ZNF500: variants seen among roughly 807,000 people sequenced by gnomAD.
ZNF500 encodes zinc finger protein with KRAB and SCAN domains 18.
In ZNF500, 31 loss-of-function variants were observed where a neutral mutation model predicts 30.1. The observed-to-expected ratio is 1.03, with a 90% confidence interval of 0.77 to 1.39. The LOEUF (loss-of-function observed/expected upper bound fraction) is 1.39, where lower values mean the gene tolerates loss of function less well. ZNF500 is among the 40% of genes most tolerant of loss of function. The probability of loss-of-function intolerance (pLI) is 0.00; values close to 1 mark genes in which losing one functional copy is unlikely to be tolerated. For missense variants in ZNF500, 817 were observed against 657.8 expected, an observed-to-expected ratio of 1.24 and a Z score of -2.65; for synonymous variants, 392 against 282.0, an observed-to-expected ratio of 1.39 and a Z score of -3.91.
At chr16:4,759,775 AC>A (rs1174727934) in intron 5 of ZNF500, among the ~76,000 whole-genome samples, 1 of 152,022 alleles carries the variant, frequency 6.6e-6, no homozygotes, top group Admixed American at 6.5e-5. Context: ...GGTGGCTCAC[AC>A]CTGTCATCCC....
In ZNF500 at chr16:4,748,452, C is replaced by T. The variant is rs1231760985; in HGVS notation, c.*3924G>A. On this transcript the variant is annotated 3_prime_UTR_variant, in exon 6 of 6. Transcript: ENST00000219478. Reference sequence around the variant, plus strand: ...CACATAGATTCTCAAGGCCTTTGACCTTTATGAATCTAGACAGAATACTGG... The same window carrying T: ...CACATAGATTCTCAAGGCCTTTGACTTTTATGAATCTAGACAGAATACTGG... The T allele has an allele frequency of 1.3e-5, 2 of 152,260 alleles. No homozygotes were observed. Among genetic ancestry groups the T allele is most frequent in the Admixed American group, 6.5e-5 (1 of 15,290 alleles). The allele number at this position is 152,260 out of a possible 1,614,324, so 9.4% of individuals were successfully genotyped here.
Position 4,765,876 on chromosome 16 carries a change from C to T in ZNF500, c.103G>A (p.Glu35Lys). ...TCCTCCGTCTCCACGGAGGGCTCCTCTTCCAAGCAGAAGTCCTCCTCCACC... is the reference window on the plus strand; with the variant it reads ...TCCTCCGTCTCCACGGAGGGCTCCTTTTCCAAGCAGAAGTCCTCCTCCACC... ...VKVEEDFCLE[E>K]EPSVETEDPS... Residue 35 changes from glutamate to lysine, a missense_variant, in exon 2 of 6, where the codon GAG becomes AAG. By Grantham distance (56) the Glu-to-Lys change is moderately conservative. Coordinates refer to ENST00000219478, the MANE Select transcript of ZNF500 (RefSeq NM_021646.4). The T allele has an allele frequency of 6.2e-7, 1 of 1,613,738 alleles. No homozygotes were observed. The highest frequency in any genetic ancestry group is 8.5e-7 in the Non-Finnish European group (1 of 1,180,002).
intron 2 of ZNF500, chr16:4,763,609 C>A (rs2082231573): frequency 1.0e-6 from 1 of 985,388 alleles, no homozygotes; most frequent in Non-Finnish European, 1.2e-6. Flanking sequence ...ACATTCCACA[C>A]CTCTAAGGGA....
At chr16:4,746,268 G>A, downstream of ZNF500, 6 of 1,204,070 alleles carry the variant, frequency 5.0e-6, no homozygotes, top group South Asian at 1.4e-5. Flanking sequence ...TAGAGAGTGG[G>A]CACTCACTGG....
chr16:4,763,828 C>G, intron 2 of ZNF500: 3 of 985,432 alleles, frequency 3.0e-6, no homozygotes, highest in Non-Finnish European at 3.6e-6. Flanking sequence ...TGACTGCGGT[C>G]AGCTCACGCC....
intron 1 of ZNF500, among the ~76,000 whole-genome samples, chr16:4,766,297 T>C (rs1430264828): frequency 6.6e-6 from 1 of 152,028 alleles, no homozygotes; most frequent in Non-Finnish European, 1.5e-5. Flanking sequence ...ACAGAGATGA[T>C]AACAGGACCT....
intron 5 of ZNF500, among the ~76,000 whole-genome samples, chr16:4,754,663 CAAAAAAATAAA>C (rs1048038886): frequency 1.6e-5 from 2 of 125,216 alleles, no homozygotes; most frequent in Admixed American, 8.3e-5. Flanking sequence ...GACTCTGTCT[CAAAAAAATAAA>C]AAAAAAAAAA....
rs138515507 is a variant in ZNF500 at position 4,754,080 on chromosome 16, G to C, written c.761-1022C>G. Among the ~76,000 whole-genome samples the C allele has an allele frequency of 2.0e-4, 31 of 152,368 alleles. No individual in the cohort carries two copies. The East Asian group carries it at 6.0e-3, about 29-fold the overall frequency. On this transcript the variant is annotated intron_variant, in intron 5 of 5. Coordinates refer to ENST00000219478, the MANE Select transcript of ZNF500 (RefSeq NM_021646.4). Reference sequence around the variant, plus strand: ...GCAGCATGAGGGTGACTGCAGCTGGGGACCTGGTAGCACAAAGTGCACTGG... The same window carrying C: ...GCAGCATGAGGGTGACTGCAGCTGGCGACCTGGTAGCACAAAGTGCACTGG...
chr16:4,760,928 T>C (rs957483733), intron 4 of ZNF500, among the ~76,000 whole-genome samples: 27 of 152,102 alleles, frequency 1.8e-4, no homozygotes, highest in South Asian at 1.2e-3. Flanking sequence ...CAGGACCCCA[T>C]TGCGGCAGAC....
chr16:4,753,198 C>A, intron 5 of ZNF500, 140 bp from the exon 6 acceptor site: 1 of 1,396,142 alleles, frequency 7.2e-7, no homozygotes, highest in Non-Finnish European at 9.3e-7. Context: ...CTGTGGCTCA[C>A]GCCTATAATC....
chr16:4,746,407 G>A, downstream of ZNF500: 1 of 1,613,310 alleles, frequency 6.2e-7, no homozygotes, highest in Non-Finnish European at 8.5e-7. Context: ...TCCCAGGCTG[G>A]GCCAGGCCCG....
Position 4,750,334 on chromosome 16 carries a change from GT to G in ZNF500, c.*2041del, listed in dbSNP as rs905534090. 1 of 152,148 alleles carries G rather than the reference GT, an allele frequency of 6.6e-6. No individual in the cohort carries two copies. Among genetic ancestry groups the G allele is most frequent in the Non-Finnish European group, 1.5e-5 (1 of 68,070 alleles). 9.4% of individuals were successfully genotyped at this position (152,148 alleles called of 1,614,324 possible). ...GAAGCAATGACTTAAAAAAAAAATT[GT>G]TTATTTTATCTGAGACAGGATCTCA... is the stretch of plus-strand genomic sequence containing the variant. On this transcript the variant is annotated 3_prime_UTR_variant, in exon 6 of 6. Transcript: ENST00000219478.
At chr16:4,755,263 G>A (rs2082124438) in intron 5 of ZNF500, among the ~76,000 whole-genome samples, 1 of 152,172 alleles carries the variant, frequency 6.6e-6, no homozygotes. Context: ...CCAAAGTGCT[G>A]AGATATAGGC....
Position 4,753,047 on chromosome 16 carries a change from G to A in ZNF500, c.772C>T (p.Gln258Ter), listed in dbSNP as rs202132970. Residue 258 changes from glutamine to a stop codon, truncating the protein, a stop_gained, in exon 6 of 6, where the codon CAG becomes TAG. Coordinates refer to ENST00000219478, the MANE Select transcript of ZNF500 (RefSeq NM_021646.4). LOFTEE classifies it low-confidence loss of function (END_TRUNC). ...CTGCCATCACCGCCGTCCTCCAACT[G>A]GATCCCAGGTCCTGAGACAGAGAAA... ...APLENEGPGI[Q>*]LEDGGDGRED... 6.6e-7 allele frequency: 1 copy of A among 1,519,504 alleles called. No individual in the cohort carries two copies. Among genetic ancestry groups the A allele is most frequent in the East Asian group, 2.3e-5 (1 of 44,026 alleles). The allele number at this position is 1,519,504 out of a possible 1,614,324, so 94.1% of individuals were successfully genotyped here.
rs561386060 is a variant in ZNF500 at position 4,757,825 on chromosome 16, A to G, written c.760+2667T>C. Among the ~76,000 whole-genome samples, 8 of 145,976 alleles carry G rather than the reference A, an allele frequency of 5.5e-5. No homozygotes were observed. The South Asian group carries it at 1.5e-3, about 28-fold the overall frequency. ...CATCATGTTGGCCAGGATGGACTCG[A>G]TCTCCTGACCTCATGATCCACCCGC... On this transcript the variant is annotated intron_variant, in intron 5 of 5. Coordinates refer to ENST00000219478, the MANE Select transcript of ZNF500 (RefSeq NM_021646.4).
chr16:4,762,472 G>C, intron 3 of ZNF500, 101 bp downstream of exon 3: 2 of 1,513,116 alleles, frequency 1.3e-6, no homozygotes, highest in South Asian at 2.6e-5. Flanking sequence ...TGTGCACCCT[G>C]CATCCAGGCA....
downstream of ZNF500, chr16:4,746,240 G>A (rs1203470204): frequency 1.0e-6 from 1 of 973,404 alleles, no homozygotes; most frequent in Non-Finnish European, 1.5e-6. Context: ...GAGCAAATGT[G>A]TTTAATGTGC....
intron 4 of ZNF500, among the ~76,000 whole-genome samples, chr16:4,761,387 C>T (rs947303022): frequency 6.6e-6 from 1 of 151,508 alleles, no homozygotes; most frequent in Admixed American, 6.6e-5. Flanking sequence ...TTGCAGTGAG[C>T]CGAGATCGCA....
Position 4,751,521 on chromosome 16 carries a change from C to A in ZNF500, c.*855G>T, listed in dbSNP as rs74411066. On this transcript the variant is annotated 3_prime_UTR_variant, in exon 6 of 6. Transcript: ENST00000219478. Reference sequence around the variant, plus strand: ...CAAAGGGGACTGGAATGCTGCAGAGCCCCGGGCTCCATTTGGAAACTCTGG... The same window carrying A: ...CAAAGGGGACTGGAATGCTGCAGAGACCCGGGCTCCATTTGGAAACTCTGG... 1,939 of 1,502,754 alleles carry A rather than the reference C, an allele frequency of 1.3e-3. 27 individuals are homozygous for A. In the African/African-American group the frequency reaches 0.024, roughly 19 times the overall value. The allele number at this position is 1,502,754 out of a possible 1,614,324, so 93.1% of individuals were successfully genotyped here. A position where few individuals can be genotyped will look rare whatever the true frequency, so the allele number is the denominator to read the frequency against.
Sources: allele counts gnomAD v4.1 joint callset (sites outside exome capture counted in the v4.1 genomes callset), GRCh38; gene constraint gnomAD v4.1.1; transcripts MANE v1.5; gene names NCBI Gene and HGNC (gene_info 2026-07-23, HGNC 2026-07-21).